ADK: variants seen among roughly 807,000 people sequenced by gnomAD.
The protein encoded by ADK is N6,N6-dimethyladenosine kinase.
In ADK, 24 loss-of-function variants were observed where a neutral mutation model predicts 44.7. That is an observed-to-expected ratio of 0.54 (90% CI 0.39 to 0.76). The LOEUF is 0.76. Ranked by LOEUF, ADK falls within the 30% of genes least tolerant of loss-of-function variation. The pLI, the probability that ADK is intolerant of heterozygous loss-of-function variation, is 0.00. For synonymous variants in ADK, 128 were observed against 142.6 expected, an observed-to-expected ratio of 0.90 and a Z score of 0.73; for missense variants, 321 against 425.1, an observed-to-expected ratio of 0.76 and a Z score of 2.15.
At chr10:74,574,209 C>G (rs1488607760) in intron 7 of ADK, among the ~76,000 whole-genome samples, 1 of 151,186 alleles carries the variant, frequency 6.6e-6, no homozygotes, top group Non-Finnish European at 1.5e-5. Flanking sequence ...ACTCAGCCAC[C>G]AGGCTGGAGT....
chr10:74,493,198 G>A (rs1329645003), intron 6 of ADK, among the ~76,000 whole-genome samples: 1 of 151,674 alleles, frequency 6.6e-6, no homozygotes, highest in Non-Finnish European at 1.5e-5. Context: ...ACTTTACTGA[G>A]ACAGAGTCTC....
At chr10:74,151,449 C>T in intron 1 of ADK, 106 bp downstream of exon 1, 3 of 1,262,714 alleles carry the variant, frequency 2.4e-6, no homozygotes, top group Non-Finnish European at 3.4e-6. Context: ...TCACTGCCAG[C>T]TTGGGGCCAA....
intron 1 of ADK, among the ~76,000 whole-genome samples, chr10:74,159,147 A>G (rs914531628): frequency 6.6e-6 from 1 of 152,252 alleles, no homozygotes; most frequent in African/African-American, 2.4e-5. Context: ...CTTCAGATCT[A>G]GAAGCAATGT....
intron 5 of ADK, 107 bp from the exon 6 acceptor site, chr10:74,398,364 A>T: frequency 1.7e-6 from 1 of 582,494 alleles, no homozygotes; most frequent in Non-Finnish European, 3.0e-6. Context: ...TTGAAGAATT[A>T]ATTAAAATGT....
intron 4 of ADK, among the ~76,000 whole-genome samples, chr10:74,367,730 C>T (rs867135954): frequency 6.6e-6 from 1 of 152,160 alleles, no homozygotes. Context: ...AAACAAGTGT[C>T]CTTTTCAATG....
At chr10:74,411,854 G>C (rs979724345) in intron 6 of ADK, among the ~76,000 whole-genome samples, 1 of 152,168 alleles carries the variant, frequency 6.6e-6, no homozygotes, top group East Asian at 1.9e-4. Context: ...TAACAGTTAT[G>C]TTTATGCAGT....
intron 3 of ADK, among the ~76,000 whole-genome samples, chr10:74,284,120 G>T (rs546363859): frequency 2.6e-5 from 4 of 151,854 alleles, no homozygotes; most frequent in African/African-American, 9.7e-5. Flanking sequence ...CACCATGCCC[G>T]GCTAATTTTT....
chr10:74,567,681 G>GTT (rs201299444), intron 7 of ADK, among the ~76,000 whole-genome samples: 11 of 129,596 alleles, frequency 8.5e-5, no homozygotes, highest in African/African-American at 2.2e-4. Flanking sequence ...CTCTCTCTCT[G>GTT]TTTTTTTTGT....
At position 74,441,769 on chromosome 10, in the gene ADK, G is replaced by A. The variant is rs1195760569; in HGVS notation, c.555+43190G>A. Among the ~76,000 whole-genome samples, 4 of 152,166 alleles carry A rather than the reference G, an allele frequency of 2.6e-5. No individual in the cohort carries two copies. The East Asian group carries it at 5.8e-4, about 22-fold the overall frequency. On this transcript the variant is annotated intron_variant, in intron 6 of 10. Transcript: ENST00000539909. ...AGCAAAGGAGACAACAAAAGAAAAG[G>A]CAACTCACAGAATGGGAGAAAATAT...
At chr10:74,489,801 C>T (rs1847409993) in intron 6 of ADK, among the ~76,000 whole-genome samples, 1 of 151,668 alleles carries the variant, frequency 6.6e-6, no homozygotes, top group Admixed American at 6.6e-5. Context: ...ATAGAATGCA[C>T]AGATTTTTAA....
intron 6 of ADK, among the ~76,000 whole-genome samples, chr10:74,484,947 T>C (rs78711303): frequency 0.036 from 5,535 of 152,216 alleles, 363 homozygotes; most frequent in African/African-American, 0.13. Context: ...TTTTGGAAGG[T>C]AACTTTTGAG....
chr10:74,186,368 C>T (rs1207193809), intron 1 of ADK, among the ~76,000 whole-genome samples: 1 of 152,016 alleles, frequency 6.6e-6, no homozygotes, highest in Non-Finnish European at 1.5e-5. Flanking sequence ...CAACCTTGAC[C>T]TCCCCAGCCC....
chr10:74,364,057 A>C (rs1220857987), intron 4 of ADK, among the ~76,000 whole-genome samples: 1 of 152,242 alleles, frequency 6.6e-6, no homozygotes, highest in Admixed American at 6.5e-5. Flanking sequence ...GTAAGCAATC[A>C]TTTGAATCAT....
chr10:74,387,426 A>C (rs151101537), intron 4 of ADK, among the ~76,000 whole-genome samples: 4 of 152,346 alleles, frequency 2.6e-5, no homozygotes, highest in African/African-American at 9.6e-5. Context: ...TTAGGAAATA[A>C]ACACTTTTGG....
At chr10:74,340,266 T>C (rs1841539956) in intron 4 of ADK, among the ~76,000 whole-genome samples, 1 of 152,160 alleles carries the variant, frequency 6.6e-6, no homozygotes, top group Non-Finnish European at 1.5e-5. Flanking sequence ...GTTAAAAATC[T>C]AAAGTACTGT....
At chr10:74,372,561 A>G (rs1185833020) in intron 4 of ADK, 1 of 316,108 alleles carries the variant, frequency 3.2e-6, no homozygotes, top group Non-Finnish European at 6.1e-6. Flanking sequence ...TTTGAGCAAT[A>G]TTAATGGGCA....
At chr10:74,460,376 T>G (rs963128945) in intron 6 of ADK, among the ~76,000 whole-genome samples, 30 of 152,206 alleles carry the variant, frequency 2.0e-4, no homozygotes, top group African/African-American at 7.0e-4. Flanking sequence ...GAGCCTGCTA[T>G]TCTGCAACTG....
chr10:74,512,309 A>G (rs1848364346), intron 6 of ADK, among the ~76,000 whole-genome samples: 1 of 151,194 alleles, frequency 6.6e-6, no homozygotes, highest in South Asian at 2.1e-4. Context: ...TTGGCTTCAT[A>G]GAATCAATTA....
intron 6 of ADK, among the ~76,000 whole-genome samples, chr10:74,464,780 T>G (rs975761556): frequency 6.6e-6 from 1 of 151,864 alleles, no homozygotes; most frequent in African/African-American, 2.4e-5. Context: ...CTCAACAGTT[T>G]GATGCTACAG....
Sources: gnomAD v4.1 joint callset for allele counts (sites outside exome capture counted in the v4.1 genomes callset) on GRCh38, gnomAD v4.1.1 for gene constraint, MANE v1.5 for transcripts, NCBI Gene and HGNC (gene_info 2026-07-23, HGNC 2026-07-21) for gene names.